SIM2: variants seen among roughly 807,000 people sequenced by gnomAD.
SIM2 encodes the protein single-minded homolog 2.
SIM2 carries 28 observed loss-of-function variants against 64.8 expected under a neutral mutation model. The observed-to-expected ratio is 0.43, with a 90% CI of 0.32 to 0.59. The LOEUF is 0.59. SIM2 is among the 20% of genes least tolerant of loss of function. SIM2 has a pLI of 0.07. For missense variants in SIM2, 847 were observed against 871.4 expected (o/e 0.97, Z 0.35); for synonymous variants, 408 against 391.1 (o/e 1.04, Z -0.51).
chr21:36,716,821 G>T (rs2088753041), intron 3 of SIM2, among the ~76,000 whole-genome samples: 1 of 151,690 alleles, frequency 6.6e-6, no homozygotes, highest in Admixed American at 6.6e-5. Context: ...TAATAAGGCT[G>T]ATGCATGAGA....
Position 36,747,679 on chromosome 21 carries a change from G to A in SIM2, c.1591G>A (p.Val531Met), listed in dbSNP as rs1357123420. The A allele has an allele frequency of 8.7e-6, 11 of 1,267,066 alleles. No homozygotes were observed. Among genetic ancestry groups the A allele is most frequent in the South Asian group, 2.7e-5 (1 of 37,568 alleles). The allele number at this position is 1,267,066 out of a possible 1,614,324, so 78.5% of individuals were successfully genotyped here. A position where few individuals can be genotyped will look rare whatever the true frequency, so the allele number is the denominator to read the frequency against. ...VPSYEAPAAA[V>M]RRFGEDTAPP... The stretch of plus-strand genomic sequence containing the variant: ...TGTCCCCGCAGCGCCCGCCGCCGCC[G>A]TGCGCAGGTTCGGCGAGGACACCGC... Residue 531 changes from valine (V) to methionine (M), a missense_variant, in exon 11 of 11, where the codon GTG (valine) becomes ATG (methionine). Physicochemically the swap from Val to Met is conservative, Grantham distance 21. This residue lies in a region of SIM2 where 447 missense variants were observed against 414.6 expected (regional missense o/e 1.08). Transcript: ENST00000290399. The surrounding 1 kb of genome is among the most constrained non-coding windows in gnomAD (Gnocchi z 4.5).
chr21:36,718,408 C>G (rs750612122), intron 3 of SIM2, among the ~76,000 whole-genome samples: 3 of 152,190 alleles, frequency 2.0e-5, no homozygotes, highest in Non-Finnish European at 4.4e-5. Context: ...CATGTTGTCT[C>G]TCCTCTGATG....
At chr21:36,710,356 G>A (rs1446747431) in intron 2 of SIM2, 1 of 152,232 alleles carries the variant, frequency 6.6e-6, no homozygotes, top group African/African-American at 2.4e-5. Context: ...CCCTGACCTC[G>A]GCTTTTCCCT....
intron 4 of SIM2, among the ~76,000 whole-genome samples, chr21:36,721,076 A>G (rs1601696105): frequency 6.6e-6 from 1 of 152,184 alleles, no homozygotes; most frequent in Non-Finnish European, 1.5e-5. Flanking sequence ...AATAGCACAC[A>G]CAGTTGTAAA....
At chr21:36,715,116 C>A (rs2088728986) in intron 3 of SIM2, among the ~76,000 whole-genome samples, 1 of 152,176 alleles carries the variant, frequency 6.6e-6, no homozygotes, top group Non-Finnish European at 1.5e-5. Context: ...GCTGTGTTAG[C>A]ATCAGTTCAC....
chr21:36,709,343 G>A, intron 2 of SIM2, 93 bp downstream of exon 2: 2 of 1,062,214 alleles, frequency 1.9e-6, no homozygotes, highest in Non-Finnish European at 2.8e-6. Context: ...CCCCAGGAGC[G>A]CCAGGCAGAT....
At chr21:36,723,891 C>T (rs961859079) in intron 5 of SIM2, among the ~76,000 whole-genome samples, 1 of 152,212 alleles carries the variant, frequency 6.6e-6, no homozygotes, top group Non-Finnish European at 1.5e-5. Flanking sequence ...TGAGTGCCCC[C>T]CGCCAACACT....
intron 3 of SIM2, 68 bp from the exon 4 acceptor site, chr21:36,719,752 AC>A: frequency 2.2e-6 from 2 of 902,874 alleles, no homozygotes; most frequent in Non-Finnish European, 3.7e-6. Flanking sequence ...CCTGTGACAC[AC>A]CTTGCCCCTC....
chr21:36,723,181 G>A lies in SIM2; in HGVS notation c.543+51G>A, dbSNP rs372622998. 1.3e-5 allele frequency: 19 copies of A among 1,448,902 alleles called. 1 individual carries two copies. Among genetic ancestry groups the A allele is most frequent in the Admixed American group, 6.7e-5 (4 of 59,700 alleles). 89.8% of individuals were successfully genotyped at this position (1,448,902 alleles called of 1,614,324 possible). A position where few individuals can be genotyped will look rare whatever the true frequency, so the allele number is the denominator to read the frequency against. ...GGAGCTGGCTAAGGGTCTTCAATGTGTGTTTTCAAGAGCGTCTGCAGAAAG... is the reference window on the plus strand; with the variant it reads ...GGAGCTGGCTAAGGGTCTTCAATGTATGTTTTCAAGAGCGTCTGCAGAAAG... On this transcript the variant is annotated intron_variant, in intron 5 of 10. Transcript: ENST00000290399.
At chr21:36,727,852 C>T (rs1303788581) in intron 6 of SIM2, among the ~76,000 whole-genome samples, 4 of 151,618 alleles carry the variant, frequency 2.6e-5, no homozygotes, top group Non-Finnish European at 4.4e-5. Flanking sequence ...TATTGATGTT[C>T]TATAGAGAAA....
At chr21:36,709,290 G>A in intron 2 of SIM2, 40 bp downstream of exon 2, 7 of 1,502,556 alleles carry the variant, frequency 4.7e-6, no homozygotes, top group Non-Finnish European at 5.4e-6. Context: ...AGCCGCCGCA[G>A]GCTCCCTTCC....
At chr21:36,736,497 A>G (rs1462267071) in intron 7 of SIM2, among the ~76,000 whole-genome samples, 2 of 152,216 alleles carry the variant, frequency 1.3e-5, no homozygotes, top group Non-Finnish European at 2.9e-5. Context: ...CGCAGCCCCT[A>G]AAGAGAAAGA....
intron 1 of SIM2, chr21:36,701,326 G>C (rs1034032181): frequency 1.3e-5 from 2 of 152,556 alleles, no homozygotes; most frequent in Non-Finnish European, 2.9e-5. Flanking sequence ...CGGAAAGCTC[G>C]ACCTTTTGCG....
intron 6 of SIM2, 92 bp from the exon 7 acceptor site, chr21:36,730,953 T>C: frequency 1.2e-6 from 1 of 862,074 alleles, no homozygotes; most frequent in Non-Finnish European, 1.9e-6. Context: ...CTGAGCCTTT[T>C]AGCACTTGAT....
Position 36,699,975 on chromosome 21 carries a change from C to T in SIM2, c.175+54C>T, listed in dbSNP as rs2088465402. On this transcript the variant is annotated intron_variant, in intron 1 of 10. Transcript: ENST00000290399. This position sits in a 1 kb window ranked among gnomAD's most constrained non-coding sequence, Gnocchi z 5.6. ...GCTGGGGAGCCCGGCGGCCCCGGCC[C>T]AGGCGGGAAGCGCAAGCCAGCCCGC... 6 of 1,512,870 alleles carry T rather than the reference C, an allele frequency of 4.0e-6. No individual in the cohort carries two copies. The highest frequency in any genetic ancestry group is 4.4e-6 in the Non-Finnish European group (5 of 1,134,034). The allele number at this position is 1,512,870 out of a possible 1,614,324, so 93.7% of individuals were successfully genotyped here.
In SIM2 at chr21:36,749,320, A is replaced by G. The variant is rs545068443; in HGVS notation, c.*1228A>G. The G allele has an allele frequency of 1.3e-5, 2 of 152,570 alleles. No individual in the cohort carries two copies. Among genetic ancestry groups the G allele is most frequent in the Non-Finnish European group, 2.9e-5 (2 of 68,028 alleles). 9.5% of individuals were successfully genotyped at this position (152,570 alleles called of 1,614,324 possible). ...CAACACTGCAGCATTTTGCTGCTTTATCAAAATGGTTTATTTTAGGAAACT... is the reference window on the plus strand; with the variant it reads ...CAACACTGCAGCATTTTGCTGCTTTGTCAAAATGGTTTATTTTAGGAAACT... On this transcript the variant is annotated 3_prime_UTR_variant, in exon 11 of 11. Coordinates refer to ENST00000290399, the MANE Select transcript of SIM2 (RefSeq NM_005069.6).
chr21:36,746,943 A>G (rs1436669363), intron 10 of SIM2, among the ~76,000 whole-genome samples: 1 of 152,208 alleles, frequency 6.6e-6, no homozygotes, highest in East Asian at 1.9e-4. Context: ...AGTGGACCAA[A>G]GGTGCTAATT....
rs2088455445 is a variant in SIM2 at position 36,699,686 on chromosome 21, C to G, written c.-61C>G. ...CTTCCCCATCCCCGCCGCCGCAGCC[C>G]GAGCGGGGCTCCGCGGGCCTGGAGC... On this transcript the variant is annotated 5_prime_UTR_variant, in exon 1 of 11. Transcript: ENST00000290399. This position sits in a 1 kb window ranked among gnomAD's most constrained non-coding sequence, Gnocchi z 5.6. 2 of 1,561,120 alleles carry G rather than the reference C, an allele frequency of 1.3e-6. No homozygotes were observed. Among genetic ancestry groups the G allele is most frequent in the South Asian group, 1.2e-5 (1 of 85,562 alleles).
intron 6 of SIM2, among the ~76,000 whole-genome samples, chr21:36,728,255 C>T (rs756062244): frequency 3.3e-5 from 5 of 152,196 alleles, no homozygotes; most frequent in African/African-American, 1.2e-4. Context: ...CCCCTTGTTT[C>T]GTCTCCTAGT....
Sources: allele counts gnomAD v4.1 joint callset (sites outside exome capture counted in the v4.1 genomes callset), GRCh38; gene constraint gnomAD v4.1.1; regional missense constraint gnomAD v4.1.1; non-coding constraint Gnocchi (gnomAD v3.1); transcripts MANE v1.5; gene names NCBI Gene and HGNC (gene_info 2026-07-23, HGNC 2026-07-21).